The following DDR2 variants were observed in gnomAD, a reference collection of about 807,000 sequenced individuals.
DDR2 encodes the protein discoidin domain receptor tyrosine kinase 2.
In DDR2, 27 loss-of-function variants were observed where a neutral mutation model predicts 94.9. The ratio of observed to expected loss-of-function variants is 0.28; its 90% confidence interval spans 0.21 to 0.39. The LOEUF is 0.39. Among genes scored for constraint, DDR2 ranks in the 10% least tolerant of loss-of-function variants. The probability of loss-of-function intolerance (pLI) is 1.00; values close to 1 mark genes in which losing one functional copy is unlikely to be tolerated. For missense variants in DDR2, 783 were observed against 1,076.0 expected (o/e 0.73, Z 3.81); for synonymous variants, 382 against 377.2 (o/e 1.01, Z -0.15).
Position 162,755,179 on chromosome 1 carries a change from C to T in DDR2, c.441C>T (p.Pro147=), listed in dbSNP as rs528027469. ...AGGTGCTGGATGGAAATAGTAACCC[C>T]TATGACATTTTCCTAAAGGACTTGG... is the stretch of plus-strand genomic sequence containing the variant. ...GKQVLDGNSN[P]YDIFLKDLEP... is the part of the protein sequence containing the mutation. Residue 147 remains proline (P), a synonymous_variant, in exon 6 of 18, where the codon CCC becomes CCT. Coordinates refer to ENST00000367921, the MANE Select transcript of DDR2 (RefSeq NM_006182.4). 3.1e-5 allele frequency: 50 copies of T among 1,614,126 alleles called. 2 individuals carry two copies. In the South Asian group the frequency reaches 5.5e-4, roughly 18 times the overall value.
chr1:162,650,297 A>AAT (rs201011268), intron 1 of DDR2, among the ~76,000 whole-genome samples: 28,829 of 151,758 alleles, frequency 0.19, 3,172 homozygotes, highest in Middle Eastern at 0.33. Context: ...GTTAAAAAAA[A>AAT]AATAATAATA....
At position 162,755,737 on chromosome 1, in the gene DDR2, T is replaced by C; in HGVS notation, c.639T>C (p.Asn213=). Residue 213 remains asparagine (N), a synonymous_variant, in exon 7 of 18, where the codon AAT becomes AAC. Coordinates refer to ENST00000367921, the MANE Select transcript of DDR2 (RefSeq NM_006182.4). ...VLPGGSIIYL[N]DSVYDGAVGY... ...CTGGAGGTTCCATCATTTATCTGAA[T>C]GATTCTGTCTATGATGGAGCTGTTG... 6.2e-7 allele frequency: 1 copy of C among 1,614,180 alleles called. No homozygotes were observed. The highest frequency in any genetic ancestry group is 8.5e-7 in the Non-Finnish European group (1 of 1,179,996).
At chr1:162,725,222 A>G (rs1661600738) in intron 3 of DDR2, among the ~76,000 whole-genome samples, 1 of 152,344 alleles carries the variant, frequency 6.6e-6, no homozygotes, top group Middle Eastern at 3.4e-3. Context: ...TGAGGCCAAG[A>G]AACATTAGGT....
At chr1:162,724,678 T>G (rs945729105) in intron 3 of DDR2, among the ~76,000 whole-genome samples, 1 of 152,208 alleles carries the variant, frequency 6.6e-6, no homozygotes, top group African/African-American at 2.4e-5. Flanking sequence ...TTATGTGGCC[T>G]CATCTGTTAA....
At chr1:162,689,866 A>AAAAAAAAAAAAAAAAAAAAC in intron 2 of DDR2, among the ~76,000 whole-genome samples, 1 of 146,194 alleles carries the variant, frequency 6.8e-6, no homozygotes. Flanking sequence ...AAAAAAAAAA[A>AAAAAAAAAAAAAAAAAAAAC]ATAGCCAGGT....
At chr1:162,778,755 T>C in intron 17 of DDR2, 26 bp downstream of exon 17, 1 of 1,613,530 alleles carries the variant, frequency 6.2e-7, no homozygotes, top group Non-Finnish European at 8.5e-7. Flanking sequence ...GATGAATGGA[T>C]GTGGACCTGT....
chr1:162,772,841 A>G (rs769983065), intron 13 of DDR2, among the ~76,000 whole-genome samples: 5 of 152,230 alleles, frequency 3.3e-5, no homozygotes, highest in Non-Finnish European at 7.3e-5. Context: ...GAATTCTAAT[A>G]GGAACTCTTC....
chr1:162,668,081 C>A (rs1658668745), intron 2 of DDR2, among the ~76,000 whole-genome samples: 1 of 152,106 alleles, frequency 6.6e-6, no homozygotes, highest in African/African-American at 2.4e-5. Context: ...GTGAAGCACT[C>A]CCCTGGAGTA....
intron 3 of DDR2, among the ~76,000 whole-genome samples, chr1:162,742,150 C>T (rs1662642049): frequency 6.6e-6 from 1 of 152,206 alleles, no homozygotes; most frequent in African/African-American, 2.4e-5. Flanking sequence ...ATTACCTCTA[C>T]TGGAGAAATT....
chr1:162,764,192 C>T (rs999843906), intron 9 of DDR2, among the ~76,000 whole-genome samples: 1 of 152,114 alleles, frequency 6.6e-6, no homozygotes, highest in African/African-American at 2.4e-5. Context: ...CAGTTAGGTT[C>T]ATTGTATTCC....
intron 3 of DDR2, among the ~76,000 whole-genome samples, chr1:162,752,799 C>A (rs1369712041): frequency 1.3e-5 from 2 of 151,942 alleles, no homozygotes; most frequent in Non-Finnish European, 2.9e-5. Context: ...GGGGTTATTA[C>A]CAAGTACAAA....
intron 7 of DDR2, among the ~76,000 whole-genome samples, chr1:162,757,835 T>C (rs755489381): frequency 6.6e-6 from 1 of 152,132 alleles, no homozygotes; most frequent in Non-Finnish European, 1.5e-5. Flanking sequence ...GGAAAAGATA[T>C]TCATTTAGGA....
At chr1:162,701,901 GT>G (rs1331648357) in intron 2 of DDR2, among the ~76,000 whole-genome samples, 1 of 152,136 alleles carries the variant, frequency 6.6e-6, no homozygotes, top group Non-Finnish European at 1.5e-5. Flanking sequence ...TCCCAGTGTA[GT>G]TTTCTTTTTT....
chr1:162,663,156 T>C (rs528561374), intron 2 of DDR2, among the ~76,000 whole-genome samples: 1 of 152,356 alleles, frequency 6.6e-6, no homozygotes, highest in African/African-American at 2.4e-5. Context: ...GGCCTGTATG[T>C]ATCTTTTCTT....
intron 14 of DDR2, among the ~76,000 whole-genome samples, chr1:162,775,408 A>T (rs952660761): frequency 6.6e-6 from 1 of 152,234 alleles, no homozygotes; most frequent in Non-Finnish European, 1.5e-5. Context: ...TGTGAGGGAT[A>T]GAAATGTGAA....
chr1:162,642,015 A>G (rs936976099), intron 1 of DDR2, among the ~76,000 whole-genome samples: 11 of 151,974 alleles, frequency 7.2e-5, no homozygotes, highest in Non-Finnish European at 1.3e-4. Flanking sequence ...CAGTGGCGGG[A>G]TCTCGGATCA....
chr1:162,674,999 C>CA (rs954315870), intron 2 of DDR2, among the ~76,000 whole-genome samples: 210 of 150,470 alleles, frequency 1.4e-3, no homozygotes, highest in African/African-American at 4.0e-3. Context: ...ACTAAAAGTA[C>CA]AAAAAAAAAC....
chr1:162,738,187 T>A (rs1410097480), intron 3 of DDR2, among the ~76,000 whole-genome samples: 1 of 122,962 alleles, frequency 8.1e-6, no homozygotes, highest in African/African-American at 3.2e-5. Flanking sequence ...GCAGACGACA[T>A]GATTGTTTAT....
intron 2 of DDR2, among the ~76,000 whole-genome samples, chr1:162,677,862 A>G (rs776692063): frequency 9.2e-5 from 14 of 152,302 alleles, no homozygotes; most frequent in Non-Finnish European, 1.5e-4. Context: ...TTTCACATCT[A>G]CTTTATATAC....
Sources: allele counts gnomAD v4.1 joint callset (sites outside exome capture counted in the v4.1 genomes callset), GRCh38; gene constraint gnomAD v4.1.1; transcripts MANE v1.5; gene names NCBI Gene and HGNC (gene_info 2026-07-23, HGNC 2026-07-21).